Variants in ARHGAP28 observed in about 807,000 individuals in gnomAD.
The protein encoded by ARHGAP28 is rho GTPase-activating protein 28.
Under a neutral mutation model 90.7 loss-of-function variants are expected in ARHGAP28, and 56 were observed. The observed-to-expected ratio is 0.62, with a 90% CI of 0.50 to 0.77. The LOEUF (loss-of-function observed/expected upper bound fraction) is 0.77, where lower values mean the gene tolerates loss of function less well. ARHGAP28 is among the 30% of genes least tolerant of loss of function. The pLI is 0.00. For missense variants in ARHGAP28, 869 were observed against 900.9 expected, an observed-to-expected ratio of 0.96 and a Z score of 0.45; for synonymous variants, 308 against 323.3, an observed-to-expected ratio of 0.95 and a Z score of 0.51.
At chr18:6,878,238 C>T (rs960668054) in intron 10 of ARHGAP28, among the ~76,000 whole-genome samples, 4 of 150,900 alleles carry the variant, frequency 2.7e-5, no homozygotes, top group African/African-American at 7.3e-5. Flanking sequence ...AGCAAACTAT[C>T]GCAAGGACAA....
At chr18:6,871,008 G>T (rs189822521) in intron 7 of ARHGAP28, among the ~76,000 whole-genome samples, 11 of 152,310 alleles carry the variant, frequency 7.2e-5, no homozygotes, top group Non-Finnish European at 1.5e-4. Context: ...CACCATGTTA[G>T]CCAGGATGGT....
rs564445413 is a variant in ARHGAP28, at chr18:6,880,295, G to A, written c.1291-1842G>A. On this transcript the variant is annotated intron_variant, in intron 10 of 17. Coordinates refer to ENST00000383472, the MANE Select transcript of ARHGAP28 (RefSeq NM_001366230.1). The stretch of plus-strand genomic sequence containing the variant: ...GATTCTTGAGAATTTTCCCTCCTGG[G>A]CATTTCTTCAATGCCTCCTCTCCTT... Among the ~76,000 whole-genome samples, 5 of 152,130 alleles carry A rather than the reference G, an allele frequency of 3.3e-5. No homozygotes were observed. The South Asian group carries it at 8.3e-4, about 25-fold the overall frequency.
chr18:6,868,111 T>C lies in ARHGAP28; in HGVS notation c.727-39T>C, dbSNP rs201384350. The stretch of plus-strand genomic sequence containing the variant: ...TGAAATGTGAGGTGGACTGTATTTA[T>C]GGTAAAATGTTTTGTGTTCATCTTC... On this transcript the variant is annotated intron_variant, in intron 5 of 17. Coordinates refer to ENST00000383472, the MANE Select transcript of ARHGAP28 (RefSeq NM_001366230.1). The C allele has an allele frequency of 8.5e-6, 13 of 1,524,672 alleles. No homozygotes were observed. In the East Asian group the frequency reaches 1.8e-4, roughly 21 times the overall value. The allele number at this position is 1,524,672 out of a possible 1,614,324, so 94.4% of individuals were successfully genotyped here.
chr18:6,896,754 G>A lies in ARHGAP28; in HGVS notation c.2030+128G>A, dbSNP rs2057307646. ...ACCTGTTGCTTTAGGGAGTTTACCA[G>A]TGGATTACGAGAATAAAAAGAGAAT... On this transcript the variant is annotated intron_variant, in intron 16 of 17. Transcript: ENST00000383472. 2.8e-6 allele frequency: 3 copies of A among 1,070,734 alleles called. No homozygotes were observed. The South Asian group carries it at 5.4e-5, about 19-fold the overall frequency. 66.3% of individuals were successfully genotyped at this position (1,070,734 alleles called of 1,614,324 possible). A position where few individuals can be genotyped will look rare whatever the true frequency, so the allele number is the denominator to read the frequency against.
Position 6,837,361 on chromosome 18 carries a change from G to C in ARHGAP28, c.490G>C (p.Asp164His). 1 of 1,608,474 alleles carries C rather than the reference G, an allele frequency of 6.2e-7. No individual in the cohort carries two copies. The highest frequency in any genetic ancestry group is 2.2e-5 in the East Asian group (1 of 44,458). The change falls in exon 3 of 18, where the codon GAT (aspartate) becomes CAT (histidine). Residue 164 changes from aspartate (D) to histidine (H), a missense_variant. Coordinates refer to ENST00000383472, the MANE Select transcript of ARHGAP28 (RefSeq NM_001366230.1). ...CTATACCCAAACCATGAGGAAAAAG[G>C]ATAAGCAATCTATCAGGGATGTCAG... The part of the protein sequence containing the change: ...HTYTQTMRKK[D>H]KQSIRDVRDI...
intron 7 of ARHGAP28, 107 bp downstream of exon 7, chr18:6,870,839 G>A: frequency 4.0e-6 from 5 of 1,249,552 alleles, no homozygotes; most frequent in South Asian, 3.0e-5. Flanking sequence ...TCGCTCTATT[G>A]CCCCAGGCTG....
At chr18:6,772,477 C>G (rs753761892) in intron 1 of ARHGAP28, among the ~76,000 whole-genome samples, 1 of 152,132 alleles carries the variant, frequency 6.6e-6, no homozygotes, top group Non-Finnish European at 1.5e-5. Flanking sequence ...CTGTAGAGAC[C>G]ATACTTGGAG....
At chr18:6,791,877 G>T (rs1204587613) in intron 1 of ARHGAP28, among the ~76,000 whole-genome samples, 1 of 151,032 alleles carries the variant, frequency 6.6e-6, no homozygotes, top group Non-Finnish European at 1.5e-5. Flanking sequence ...TTTTGAGATG[G>T]AGTCTCACTC....
intron 2 of ARHGAP28, among the ~76,000 whole-genome samples, chr18:6,833,368 A>G (rs1250613994): frequency 2.6e-5 from 4 of 151,984 alleles, no homozygotes; most frequent in Non-Finnish European, 5.9e-5. Context: ...TTTTATGACA[A>G]AAAAAGAAAC....
At position 6,870,571 on chromosome 18, in the gene ARHGAP28, T is replaced by G; in HGVS notation, c.812-19T>G. The G allele has an allele frequency of 6.3e-7, 1 of 1,593,054 alleles. No individual in the cohort carries two copies. Among genetic ancestry groups the G allele is most frequent in the Non-Finnish European group, 8.6e-7 (1 of 1,166,164 alleles). On this transcript the variant is annotated intron_variant, in intron 6 of 17. Coordinates refer to ENST00000383472, the MANE Select transcript of ARHGAP28 (RefSeq NM_001366230.1). ...TAAATAGCATATTAAATAGTCTGTATTCTTTGTTTTGTCTTTAGATGATGA... is the reference window on the plus strand; with the variant it reads ...TAAATAGCATATTAAATAGTCTGTAGTCTTTGTTTTGTCTTTAGATGATGA...
intron 14 of ARHGAP28, among the ~76,000 whole-genome samples, chr18:6,891,648 C>T (rs1281567192): frequency 6.6e-6 from 1 of 151,894 alleles, no homozygotes; most frequent in Non-Finnish European, 1.5e-5. Flanking sequence ...AGTGCAGTGG[C>T]ATGATCATAG....
chr18:6,755,254 G>A (rs1204663189), intron 1 of ARHGAP28, among the ~76,000 whole-genome samples: 1 of 152,206 alleles, frequency 6.6e-6, no homozygotes, highest in African/African-American at 2.4e-5. Flanking sequence ...CAAGTGATGA[G>A]TCAAAGGCAA....
chr18:6,854,570 A>G (rs920592917), intron 4 of ARHGAP28, among the ~76,000 whole-genome samples: 2 of 152,166 alleles, frequency 1.3e-5, no homozygotes, highest in African/African-American at 4.8e-5. Context: ...AATAGCTCCT[A>G]AATTTTATTG....
At chr18:6,802,106 T>C (rs1000425128) in intron 1 of ARHGAP28, among the ~76,000 whole-genome samples, 1 of 152,180 alleles carries the variant, frequency 6.6e-6, no homozygotes, top group Non-Finnish European at 1.5e-5. Context: ...TTTTAATGGC[T>C]TAATAATATT....
intron 1 of ARHGAP28, among the ~76,000 whole-genome samples, chr18:6,739,679 CAGA>C (rs1359984599): frequency 9.3e-5 from 14 of 150,402 alleles, no homozygotes; most frequent in African/African-American, 2.7e-4. Context: ...CTCTTTCTTT[CAGA>C]AGGAGGGCAG....
intron 1 of ARHGAP28, among the ~76,000 whole-genome samples, chr18:6,782,879 C>T (rs2056336774): frequency 6.6e-6 from 1 of 151,986 alleles, no homozygotes; most frequent in African/African-American, 2.4e-5. Context: ...TTGGTGCTTA[C>T]TCTTTCTTAT....
Position 6,889,928 on chromosome 18 carries a change from CA to C in ARHGAP28, c.1583del (p.Asn528ThrfsTer3), listed in dbSNP as rs1388193455. ...TTCAATAAAGTGATTGCCAATGAAT[CA>C]AAAAACCGAATGAGTCTGTGGAACA... The part of the protein sequence containing the change: ...TFFNKVIANE[S>X]KNRMSLWNIS... On this transcript the variant is annotated frameshift_variant, in exon 13 of 18. Transcript: ENST00000383472. LOFTEE classifies it high-confidence loss of function. 3 of 1,614,000 alleles carry C rather than the reference CA, an allele frequency of 1.9e-6. No homozygotes were observed. The highest frequency in any genetic ancestry group is 2.5e-6 in the Non-Finnish European group (3 of 1,180,026).
At chr18:6,761,224 C>G (rs1416323553) in intron 1 of ARHGAP28, among the ~76,000 whole-genome samples, 2 of 152,066 alleles carry the variant, frequency 1.3e-5, no homozygotes, top group Non-Finnish European at 2.9e-5. Context: ...CTGAGTTACT[C>G]TTCTTTTCTT....
chr18:6,797,881 C>T (rs1380216413), intron 1 of ARHGAP28, among the ~76,000 whole-genome samples: 1 of 152,040 alleles, frequency 6.6e-6, no homozygotes, highest in Admixed American at 6.6e-5. Context: ...AGGCTGGTCT[C>T]GATCTCCTCA....
Sources: allele counts gnomAD v4.1 joint callset (sites outside exome capture counted in the v4.1 genomes callset), GRCh38; gene constraint gnomAD v4.1.1; transcripts MANE v1.5; gene names NCBI Gene and HGNC (gene_info 2026-07-23, HGNC 2026-07-21).